SCHIP1: variants seen among roughly 807,000 people sequenced by gnomAD.
SCHIP1 encodes schwannomin interacting protein 1.
SCHIP1 carries 8 observed loss-of-function variants against 29.7 expected under a neutral mutation model. That is an observed-to-expected ratio of 0.27 (90% CI 0.16 to 0.49). SCHIP1 has a LOEUF of 0.49. Among genes scored for constraint, SCHIP1 ranks in the 20% least tolerant of loss-of-function variants. SCHIP1 has a pLI of 0.99. For missense variants in SCHIP1, 193 were observed against 294.6 expected (o/e 0.66, Z 2.52); for synonymous variants, 76 against 94.9 (o/e 0.80, Z 1.16).
At chr3:159,317,438 G>A in the SCHIP1 span, among the ~76,000 whole-genome samples, 5 of 152,166 alleles carry the variant, frequency 3.3e-5, no homozygotes, top group African/African-American at 9.7e-5. Flanking sequence ...GATCACTGGG[G>A]TGATGGTGAG....
the SCHIP1 span, among the ~76,000 whole-genome samples, chr3:159,535,941 C>G: frequency 6.6e-6 from 1 of 152,152 alleles, no homozygotes; most frequent in African/African-American, 2.4e-5. Flanking sequence ...TTTGCAGACT[C>G]CCGGTCTAGA....
chr3:159,398,006 G>T, the SCHIP1 span, among the ~76,000 whole-genome samples: 73,696 of 152,034 alleles, frequency 0.48, 19,227 homozygotes, highest in Non-Finnish European at 0.59. Flanking sequence ...CTCCAAGCCA[G>T]GTGCGGGATA....
the SCHIP1 span, among the ~76,000 whole-genome samples, chr3:159,553,909 T>C: frequency 6.6e-6 from 1 of 152,044 alleles, no homozygotes; most frequent in African/African-American, 2.4e-5. Context: ...CACGCCATTC[T>C]TCTGCCTCAG....
chr3:159,405,976 C>T, the SCHIP1 span, among the ~76,000 whole-genome samples: 1 of 151,304 alleles, frequency 6.6e-6, no homozygotes, highest in African/African-American at 2.4e-5. Flanking sequence ...AGAAAATAGC[C>T]TCAAGAGGGC....
At chr3:159,527,285 C>T in the SCHIP1 span, among the ~76,000 whole-genome samples, 3 of 152,186 alleles carry the variant, frequency 2.0e-5, no homozygotes, top group East Asian at 3.8e-4. Context: ...GTTCTCTTCT[C>T]ATCAAAGTTT....
chr3:159,558,825 C>T, the SCHIP1 span, among the ~76,000 whole-genome samples: 1 of 152,096 alleles, frequency 6.6e-6, no homozygotes, highest in Admixed American at 6.6e-5. Context: ...CCCCACCTCC[C>T]CTGTCTCCAT....
At chr3:159,449,859 G>A in the SCHIP1 span, among the ~76,000 whole-genome samples, 1 of 151,770 alleles carries the variant, frequency 6.6e-6, no homozygotes, top group East Asian at 1.9e-4. Context: ...AATTAAGTGA[G>A]CTTGAAGCAT....
chr3:159,697,969 G>T, the SCHIP1 span, among the ~76,000 whole-genome samples: 12 of 152,162 alleles, frequency 7.9e-5, no homozygotes, highest in Non-Finnish European at 1.5e-4. Context: ...AGATTAAAAG[G>T]ATAGTTAAAG....
the SCHIP1 span, among the ~76,000 whole-genome samples, chr3:159,749,898 GTTA>G: frequency 6.6e-6 from 1 of 152,074 alleles, no homozygotes; most frequent in Admixed American, 6.6e-5. Flanking sequence ...TAGGCTATTA[GTTA>G]TTAGTGTAAT....
chr3:159,386,473 AG>A, the SCHIP1 span, among the ~76,000 whole-genome samples: 3 of 152,232 alleles, frequency 2.0e-5, no homozygotes, highest in East Asian at 3.8e-4. Context: ...TACTGCCCAA[AG>A]TAACTTACAG....
chr3:159,311,719 T>G, the SCHIP1 span, among the ~76,000 whole-genome samples: 1 of 152,194 alleles, frequency 6.6e-6, no homozygotes, highest in African/African-American at 2.4e-5. Context: ...CACTGGAAAG[T>G]ACCATATTTT....
chr3:159,797,128 T>C, the SCHIP1 span, among the ~76,000 whole-genome samples: 1 of 152,246 alleles, frequency 6.6e-6, no homozygotes, highest in African/African-American at 2.4e-5. Flanking sequence ...GAGGCAACAG[T>C]ACCACTCATT....
chr3:159,390,087 T>A, the SCHIP1 span, among the ~76,000 whole-genome samples: 1 of 152,080 alleles, frequency 6.6e-6, no homozygotes, highest in Non-Finnish European at 1.5e-5. Flanking sequence ...GTTCTTCAAT[T>A]TGGCCTTTGA....
At chr3:159,776,033 G>A in the SCHIP1 span, among the ~76,000 whole-genome samples, 1 of 152,186 alleles carries the variant, frequency 6.6e-6, no homozygotes, top group Non-Finnish European at 1.5e-5. Flanking sequence ...TAAAGAAAGA[G>A]TAGTGTTAAA....
chr3:159,786,593 A>G, the SCHIP1 span, among the ~76,000 whole-genome samples: 2 of 152,110 alleles, frequency 1.3e-5, no homozygotes, highest in African/African-American at 4.8e-5. Context: ...TGAAATGAGA[A>G]GGAATGGTCA....
At chr3:159,383,067 C>G in the SCHIP1 span, among the ~76,000 whole-genome samples, 1 of 150,040 alleles carries the variant, frequency 6.7e-6, no homozygotes, top group African/African-American at 2.5e-5. Context: ...TGCCTGTTCA[C>G]TCTGACGGTA....
At chr3:159,857,986 C>T (rs908274806) in intron 1 of SCHIP1, among the ~76,000 whole-genome samples, 1 of 152,158 alleles carries the variant, frequency 6.6e-6, no homozygotes, top group Admixed American at 6.5e-5. Flanking sequence ...TCCACCTCCC[C>T]CGGATCCTAG....
chr3:159,433,152 G>A, the SCHIP1 span, among the ~76,000 whole-genome samples: 1 of 152,174 alleles, frequency 6.6e-6, no homozygotes, highest in Non-Finnish European at 1.5e-5. Context: ...GTTGAGCTGA[G>A]TCTAGCAGAA....
At chr3:159,502,049 C>T in the SCHIP1 span, among the ~76,000 whole-genome samples, 21 of 151,804 alleles carry the variant, frequency 1.4e-4, no homozygotes, top group Non-Finnish European at 3.1e-4. Flanking sequence ...CTGGCAAACT[C>T]GATATAGAGA....
Sources: gnomAD v4.1 joint callset for allele counts (sites outside exome capture counted in the v4.1 genomes callset) on GRCh38, gnomAD v4.1.1 for gene constraint, MANE v1.5 for transcripts, NCBI Gene and HGNC (gene_info 2026-07-23, HGNC 2026-07-21) for gene names.